RMDN1: variants seen among roughly 807,000 people sequenced by gnomAD.
RMDN1 encodes regulator of microtubule dynamics 1.
A neutral mutation model predicts 48.9 loss-of-function variants in RMDN1; 48 were observed. The ratio of observed to expected loss-of-function variants is 0.98; its 90% CI spans 0.78 to 1.25. The LOEUF (loss-of-function observed/expected upper bound fraction) is 1.25, where lower values mean the gene tolerates loss of function less well. Ranked by LOEUF, RMDN1 falls within the 50% of genes most tolerant of loss-of-function variation. The probability of loss-of-function intolerance (pLI) is 0.00; values close to 1 mark genes in which losing one functional copy is unlikely to be tolerated. For synonymous variants in RMDN1, 148 were observed against 132.6 expected (o/e 1.12, Z -0.80); for missense variants, 418 against 373.4 (o/e 1.12, Z -0.98).
At chr8:86,478,275 A>AT (rs971502820) in intron 7 of RMDN1, 1 of 152,162 alleles carries the variant, frequency 6.6e-6, no homozygotes, top group South Asian at 2.1e-4. Context: ...ACAACTAAGT[A>AT]TTTTTTACAT....
At chr8:86,504,545 T>A in intron 2 of RMDN1, 2 of 1,359,300 alleles carry the variant, frequency 1.5e-6, no homozygotes, top group Non-Finnish European at 2.1e-6. Flanking sequence ...TTCACTGTAG[T>A]TTCCCTATTT....
At position 86,484,980 on chromosome 8, in the gene RMDN1, G is replaced by A. The variant is rs778685733; in HGVS notation, c.496-19C>T. The A allele has an allele frequency of 8.8e-6, 12 of 1,368,008 alleles. No individual in the cohort carries two copies. Among genetic ancestry groups the A allele is most frequent in the East Asian group, 2.3e-5 (1 of 42,970 alleles). 84.7% of individuals were successfully genotyped at this position (1,368,008 alleles called of 1,614,324 possible). On this transcript the variant is annotated intron_variant, in intron 4 of 9. Coordinates refer to ENST00000406452, the MANE Select transcript of RMDN1 (RefSeq NM_016033.3). Reference sequence around the variant, plus strand: ...CATACCACTGAAAATTTAAAAAAGTGTAAGAACAATAATATTCTTAATATT... The same window carrying A: ...CATACCACTGAAAATTTAAAAAAGTATAAGAACAATAATATTCTTAATATT...
chr8:86,476,616 C>T (rs1813414982), intron 8 of RMDN1, among the ~76,000 whole-genome samples: 1 of 152,198 alleles, frequency 6.6e-6, no homozygotes, highest in Non-Finnish European at 1.5e-5. Context: ...TAACCCGAAA[C>T]TCTTTTTCAC....
At chr8:86,508,385 T>C in intron 1 of RMDN1, 107 bp downstream of exon 1, 1 of 1,282,260 alleles carries the variant, frequency 7.8e-7, no homozygotes, top group Non-Finnish European at 1.0e-6. Context: ...CTTTCCTCGG[T>C]TCACCACATT....
chr8:86,471,201 T>C (rs1320799706), downstream of RMDN1, among the ~76,000 whole-genome samples: 1 of 151,662 alleles, frequency 6.6e-6, no homozygotes, highest in Non-Finnish European at 1.5e-5. Flanking sequence ...AGTAAAAATA[T>C]TTTTTAAAGT....
Position 86,488,522 on chromosome 8 carries a change from A to G in RMDN1, c.335+30T>C, listed in dbSNP as rs750701897. ...AAATAACAAAAATTTTGAGGAAACCACAAGCCTAGGCCTATCCTACATTGC... is the reference window on the plus strand; with the variant it reads ...AAATAACAAAAATTTTGAGGAAACCGCAAGCCTAGGCCTATCCTACATTGC... On this transcript the variant is annotated intron_variant, in intron 3 of 9. Coordinates refer to ENST00000406452, the MANE Select transcript of RMDN1 (RefSeq NM_016033.3). 2.1e-6 allele frequency: 3 copies of G among 1,410,600 alleles called. No homozygotes were observed. In the Admixed American group the frequency reaches 7.1e-5, roughly 33 times the overall value. 87.4% of individuals were successfully genotyped at this position (1,410,600 alleles called of 1,614,324 possible).
In RMDN1 at chr8:86,472,803, C is replaced by T. The variant is rs1000750690; in HGVS notation, c.*1505G>A. ...GAATGATGGTGACATCAACCAACCA[C>T]AAATTACCCACATGAGTGGCTGAGA... On this transcript the variant is annotated 3_prime_UTR_variant, in exon 10 of 10. Transcript: ENST00000406452. The T allele has an allele frequency of 3.9e-6, 1 of 256,524 alleles. No homozygotes were observed. Among genetic ancestry groups the T allele is most frequent in the East Asian group, 8.3e-5 (1 of 12,060 alleles). 15.9% of individuals were successfully genotyped at this position (256,524 alleles called of 1,614,324 possible).
intron 3 of RMDN1, among the ~76,000 whole-genome samples, chr8:86,487,139 G>C (rs73273159): frequency 0.049 from 7,460 of 152,256 alleles, 296 homozygotes; most frequent in African/African-American, 0.099. Context: ...TGAATGAATG[G>C]TTGAATATAA....
intron 7 of RMDN1, 85 bp from the exon 8 acceptor site, chr8:86,477,409 CTATAT>C (rs1813569649): frequency 1.9e-6 from 2 of 1,049,310 alleles, no homozygotes; most frequent in Non-Finnish European, 2.8e-6. Flanking sequence ...AGATCTACTG[CTATAT>C]TATATTTAAG....
intron 1 of RMDN1, 183 bp downstream of exon 1, chr8:86,508,309 G>C (rs1819723390): frequency 1.7e-6 from 1 of 597,922 alleles, no homozygotes; most frequent in Admixed American, 3.8e-5. Context: ...CCCCAGTTAA[G>C]GATAGTGGAG....
intron 2 of RMDN1, among the ~76,000 whole-genome samples, chr8:86,489,835 A>G (rs1381297909): frequency 6.6e-6 from 1 of 151,758 alleles, no homozygotes; most frequent in Admixed American, 6.6e-5. Flanking sequence ...GTCTCAAAAA[A>G]AAAAAGGGGG....
At chr8:86,508,096 G>T (rs28438974) in intron 1 of RMDN1, 1 of 179,148 alleles carries the variant, frequency 5.6e-6, no homozygotes, top group African/African-American at 2.3e-5. Flanking sequence ...CTGAGTCGTA[G>T]AACTTTTTAA....
intron 8 of RMDN1, 39 bp downstream of exon 8, chr8:86,477,255 T>C (rs1266420271): frequency 6.2e-6 from 9 of 1,458,982 alleles, no homozygotes; most frequent in Non-Finnish European, 8.5e-6. Flanking sequence ...ATTCATACAA[T>C]TTTAACTATA....
intron 8 of RMDN1, among the ~76,000 whole-genome samples, 179 bp downstream of exon 8, chr8:86,477,115 G>C (rs1392694821): frequency 1.3e-5 from 2 of 150,408 alleles, no homozygotes; most frequent in Non-Finnish European, 3.0e-5. Context: ...TTCAATAGCA[G>C]CCTATTTCTC....
At chr8:86,504,317 A>G (rs1480921158) in intron 2 of RMDN1, 7 of 1,579,972 alleles carry the variant, frequency 4.4e-6, no homozygotes, top group South Asian at 3.3e-5. Context: ...ATGCAAGATG[A>G]GAGTGCAAGG....
At position 86,482,975 on chromosome 8, in the gene RMDN1, C is replaced by A. The variant is rs923164394; in HGVS notation, c.585+1897G>T. On this transcript the variant is annotated intron_variant, in intron 5 of 9. Transcript: ENST00000406452. Reference sequence around the variant, plus strand: ...TCCCCGGCGGACTGTGGCAGCCGCACTCGCTGCCCCTCGATGAGCAGTGGC... The same window carrying A: ...TCCCCGGCGGACTGTGGCAGCCGCAATCGCTGCCCCTCGATGAGCAGTGGC... The A allele has an allele frequency of 6.1e-5, 43 of 708,836 alleles. No homozygotes were observed. The Admixed American group carries it at 9.0e-4, about 15-fold the overall frequency. The allele number at this position is 708,836 out of a possible 1,614,324, so 43.9% of individuals were successfully genotyped here.
chr8:86,492,394 T>TA (rs894575438), intron 2 of RMDN1, among the ~76,000 whole-genome samples: 1 of 152,070 alleles, frequency 6.6e-6, no homozygotes, highest in African/African-American at 2.4e-5. Context: ...GGCTCACACT[T>TA]ACAATCCTAG....
At chr8:86,475,483 A>G (rs1038202311) in intron 8 of RMDN1, among the ~76,000 whole-genome samples, 2 of 152,154 alleles carry the variant, frequency 1.3e-5, no homozygotes, top group African/African-American at 4.8e-5. Flanking sequence ...TATAATGAAG[A>G]GAGAAACATG....
intron 2 of RMDN1, among the ~76,000 whole-genome samples, chr8:86,488,944 T>TA (rs992265660): frequency 2.6e-5 from 4 of 152,184 alleles, no homozygotes; most frequent in African/African-American, 4.8e-5. Flanking sequence ...GCTGATGAGC[T>TA]AAAAAAATTC....
Sources: allele counts gnomAD v4.1 joint callset (sites outside exome capture counted in the v4.1 genomes callset), GRCh38; gene constraint gnomAD v4.1.1; transcripts MANE v1.5; gene names NCBI Gene and HGNC (gene_info 2026-07-23, HGNC 2026-07-21).